HVCN1: variants seen among roughly 807,000 people sequenced by gnomAD.
HVCN1 encodes voltage-gated hydrogen channel 1.
HVCN1 carries 14 observed loss-of-function variants against 29.2 expected under a neutral mutation model. The observed-to-expected ratio is 0.48, with a 90% CI of 0.32 to 0.75. The LOEUF (loss-of-function observed/expected upper bound fraction) is 0.75, where lower values mean the gene tolerates loss of function less well. Ranked by LOEUF, HVCN1 falls within the 30% of genes least tolerant of loss-of-function variation. The probability of loss-of-function intolerance (pLI) is 0.04; values close to 1 mark genes in which losing one functional copy is unlikely to be tolerated. For missense variants in HVCN1, 263 were observed against 341.8 expected, an observed-to-expected ratio of 0.77 and a Z score of 1.82; for synonymous variants, 131 against 133.2, an observed-to-expected ratio of 0.98 and a Z score of 0.11.
rs369132027 is a variant in HVCN1 at position 110,686,029 on chromosome 12, C to T, written c.-20+2596G>A. Among the ~76,000 whole-genome samples, 7 of 152,006 alleles carry T rather than the reference C, an allele frequency of 4.6e-5. No homozygotes were observed. The South Asian group carries it at 1.2e-3, about 27-fold the overall frequency. Reference sequence around the variant, plus strand: ...TTTTTTTTCCCCTGAGACAGAGTCTCGTTCTGTTGCCTAGGCTGGAATGCA... The same window carrying T: ...TTTTTTTTCCCCTGAGACAGAGTCTTGTTCTGTTGCCTAGGCTGGAATGCA... On this transcript the variant is annotated intron_variant, in intron 2 of 7. Coordinates refer to ENST00000242607, the MANE Select transcript of HVCN1 (RefSeq NM_032369.4).
At chr12:110,652,938 G>A (rs1011788557) in intron 5 of HVCN1, among the ~76,000 whole-genome samples, 1 of 152,164 alleles carries the variant, frequency 6.6e-6, no homozygotes, top group Non-Finnish European at 1.5e-5. Context: ...GACCCCTGGC[G>A]TGGTGTGCCT....
upstream of HVCN1, among the ~76,000 whole-genome samples, chr12:110,692,892 G>T (rs1418697354): frequency 6.6e-6 from 1 of 152,106 alleles, no homozygotes; most frequent in Non-Finnish European, 1.5e-5. Flanking sequence ...TAGAGACAGG[G>T]TCTCACTTTG....
chr12:110,672,540 G>C (rs978376582), intron 3 of HVCN1, among the ~76,000 whole-genome samples: 2 of 152,188 alleles, frequency 1.3e-5, no homozygotes, highest in Admixed American at 6.5e-5. Flanking sequence ...CAACTCCCAG[G>C]AGGAGAGAGG....
rs1267291869 is a variant in HVCN1, at chr12:110,676,355, C to T, written c.21+6870G>A. Among the ~76,000 whole-genome samples, 2 of 152,220 alleles carry T rather than the reference C, an allele frequency of 1.3e-5. No homozygotes were observed. Among genetic ancestry groups the T allele is most frequent in the Non-Finnish European group, 2.9e-5 (2 of 68,048 alleles). ...AAGCATGACTACATCACTCCCTGTG[C>T]AGAAAAGGGCCAGCCCAGCGGTCCC... On this transcript the variant is annotated intron_variant, in intron 3 of 7. Coordinates refer to ENST00000242607, the MANE Select transcript of HVCN1 (RefSeq NM_032369.4). This position sits in a 1 kb window ranked among gnomAD's most constrained non-coding sequence, Gnocchi z 4.1.
chr12:110,661,179 G>A lies in HVCN1; in HGVS notation c.291C>T (p.Ser97=). ...DFRGMLRKLF[S]SHRFQVIIIC... ...CCCCACCTACCTGAAACCTGTGGGA[G>A]CTGAACAGTTTCCTCAACATGCCCC... is the stretch of plus-strand genomic sequence containing the variant. Residue 97 remains serine, a synonymous_variant, in exon 4 of 8, where the codon AGC becomes AGT. Coordinates refer to ENST00000242607, the MANE Select transcript of HVCN1 (RefSeq NM_032369.4). This position sits in a 1 kb window ranked among gnomAD's most constrained non-coding sequence, Gnocchi z 6.2. 3 of 1,607,644 alleles carry A rather than the reference G, an allele frequency of 1.9e-6. No individual in the cohort carries two copies. Among genetic ancestry groups the A allele is most frequent in the Non-Finnish European group, 2.6e-6 (3 of 1,175,672 alleles).
At chr12:110,674,093 G>C (rs960297938) in intron 3 of HVCN1, among the ~76,000 whole-genome samples, 1 of 152,260 alleles carries the variant, frequency 6.6e-6, no homozygotes, top group African/African-American at 2.4e-5. Flanking sequence ...AAAGCCACAG[G>C]GGCGGGGCTG....
chr12:110,654,548 G>A (rs377363759), intron 5 of HVCN1, among the ~76,000 whole-genome samples: 2 of 146,882 alleles, frequency 1.4e-5, no homozygotes, highest in Admixed American at 1.4e-4. Context: ...GCGCTATCTC[G>A]GCTCACTGCA....
intron 3 of HVCN1, among the ~76,000 whole-genome samples, chr12:110,669,136 C>T (rs1457767519): frequency 6.6e-6 from 1 of 152,236 alleles, no homozygotes; most frequent in South Asian, 2.1e-4. Context: ...ACCTTTCTCT[C>T]CCAGTCCACT....
At chr12:110,697,675 G>T (rs2069514414) in intron 2 of HVCN1, among the ~76,000 whole-genome samples, 1 of 148,204 alleles carries the variant, frequency 6.7e-6, no homozygotes, top group South Asian at 2.1e-4. Flanking sequence ...TTTTGAGATG[G>T]AGTCTTGCTA....
intron 2 of HVCN1, among the ~76,000 whole-genome samples, chr12:110,696,778 A>G (rs749168509): frequency 1.2e-4 from 19 of 152,158 alleles, no homozygotes; most frequent in Non-Finnish European, 2.1e-4. Context: ...TGGCCAAAGA[A>G]TATTCCACTA....
At chr12:110,695,371 TACAC>T (rs59165683) in intron 2 of HVCN1, among the ~76,000 whole-genome samples, 2,864 of 148,004 alleles carry the variant, frequency 0.019, 93 homozygotes, top group East Asian at 0.14. Flanking sequence ...TTATTTTGTG[TACAC>T]ACACACACAC....
chr12:110,655,144 G>T, intron 5 of HVCN1, 90 bp downstream of exon 5: 1 of 880,796 alleles, frequency 1.1e-6, no homozygotes, highest in Non-Finnish European at 1.9e-6. Flanking sequence ...CTCCAAGTGG[G>T]GTGTCAGCTG....
upstream of HVCN1, among the ~76,000 whole-genome samples, chr12:110,691,208 G>A (rs751419807): frequency 2.6e-5 from 4 of 152,056 alleles, no homozygotes; most frequent in Admixed American, 2.0e-4. Context: ...GACTACAGGC[G>A]CCCGCCACCA....
At chr12:110,695,910 A>G (rs991668779) in intron 2 of HVCN1, among the ~76,000 whole-genome samples, 4 of 151,876 alleles carry the variant, frequency 2.6e-5, no homozygotes, top group Admixed American at 2.0e-4. Context: ...CATGTGGAGC[A>G]CAGGAAGCCA....
intron 3 of HVCN1, among the ~76,000 whole-genome samples, chr12:110,677,619 A>G (rs2068790931): frequency 6.6e-6 from 1 of 152,152 alleles, no homozygotes. Context: ...AGAGGACTCC[A>G]AGCAGCAGGC....
At chr12:110,687,780 A>T (rs539742227) in intron 2 of HVCN1, among the ~76,000 whole-genome samples, 3 of 152,300 alleles carry the variant, frequency 2.0e-5, no homozygotes, top group South Asian at 4.1e-4. Flanking sequence ...CCAAGCCCCA[A>T]TGACTAGCAA....
chr12:110,674,891 G>T (rs1239388085), intron 3 of HVCN1, among the ~76,000 whole-genome samples: 1 of 152,146 alleles, frequency 6.6e-6, no homozygotes, highest in Non-Finnish European at 1.5e-5. Context: ...AGCCTGCAGG[G>T]AGTTAAGTGG....
intron 3 of HVCN1, among the ~76,000 whole-genome samples, chr12:110,668,832 A>T (rs2068463971): frequency 6.6e-6 from 1 of 151,942 alleles, no homozygotes; most frequent in South Asian, 2.1e-4. Flanking sequence ...AACCTGCCTG[A>T]CGGTCCCACA....
chr12:110,683,687 G>A, intron 2 of HVCN1, among the ~76,000 whole-genome samples: 1 of 152,116 alleles, frequency 6.6e-6, no homozygotes, highest in South Asian at 2.1e-4. Flanking sequence ...AAGGTGGGTG[G>A]ATCACCTGAG....
Sources: gnomAD v4.1 joint callset for allele counts (sites outside exome capture counted in the v4.1 genomes callset) on GRCh38, gnomAD v4.1.1 for gene constraint, Gnocchi (gnomAD v3.1) non-coding constraint, MANE v1.5 for transcripts, NCBI Gene and HGNC (gene_info 2026-07-23, HGNC 2026-07-21) for gene names.